Variants in IRAG1 observed in about 807,000 individuals in gnomAD.
IRAG1 encodes inositol 1,4,5-triphosphate receptor associated 1, also known as IP3R-associated cGMP kinase substrate.
Under a neutral mutation model 106.2 loss-of-function variants are expected in IRAG1, and 62 were observed. The ratio of observed to expected loss-of-function variants is 0.58; its 90% confidence interval spans 0.48 to 0.72. IRAG1 has a LOEUF of 0.72. Ranked by LOEUF, IRAG1 falls within the 30% of genes least tolerant of loss-of-function variation. IRAG1 has a pLI of 0.00. For synonymous variants in IRAG1, 462 were observed against 443.9 expected, an observed-to-expected ratio of 1.04 and a Z score of -0.51; for missense variants, 1,064 against 1,140.7, an observed-to-expected ratio of 0.93 and a Z score of 0.97.
chr11:10,674,818 G>A (rs562004599), intron 1 of IRAG1, among the ~76,000 whole-genome samples: 81 of 152,328 alleles, frequency 5.3e-4, no homozygotes, highest in South Asian at 1.0e-3. Context: ...GGCAAGGGAC[G>A]TTTCTGGATA....
At chr11:10,615,433 T>C (rs1325928322) in intron 10 of IRAG1, among the ~76,000 whole-genome samples, 1 of 152,184 alleles carries the variant, frequency 6.6e-6, no homozygotes, top group Admixed American at 6.5e-5. Context: ...CATTACTGGA[T>C]ATATACCCAA....
At position 10,603,254 on chromosome 11, in the gene IRAG1, G is replaced by T; in HGVS notation, c.1744-3C>A. 2 of 1,613,434 alleles carry T rather than the reference G, an allele frequency of 1.2e-6. No homozygotes were observed. Among genetic ancestry groups the T allele is most frequent in the East Asian group, 2.2e-5 (1 of 44,850 alleles). ...TGGTGCCAGAGTGAAGCTGAGGACT[G>T]AACAGGAGTAGGAGCATCACCTGGG... On this transcript the variant is annotated splice_polypyrimidine_tract_variant and splice_region_variant and intron_variant, in intron 13 of 20. Coordinates refer to ENST00000423302, the MANE Select transcript of IRAG1 (RefSeq NM_130385.4).
At chr11:10,577,084 G>T (rs1850898548) in intron 20 of IRAG1, among the ~76,000 whole-genome samples, 1 of 152,138 alleles carries the variant, frequency 6.6e-6, no homozygotes, top group South Asian at 2.1e-4. Context: ...AGAGTAGAAG[G>T]ACTGTGCTAA....
At chr11:10,690,608 A>G (rs1247388543) in intron 1 of IRAG1, among the ~76,000 whole-genome samples, 2 of 151,860 alleles carry the variant, frequency 1.3e-5, no homozygotes, top group Non-Finnish European at 2.9e-5. Flanking sequence ...TCTATTCGTG[A>G]TTTTCCTGTG....
intron 1 of IRAG1, among the ~76,000 whole-genome samples, chr11:10,684,248 A>G (rs1204241395): frequency 2.6e-5 from 4 of 152,224 alleles, no homozygotes; most frequent in Non-Finnish European, 5.9e-5. Flanking sequence ...AAAATGTGGC[A>G]CATATACACC....
rs750763359 is a variant in IRAG1, at chr11:10,693,625, C to T, written c.-23G>A. ...CATTTAAGGTCAATGTTACATCTGGCTCCGGAGCTCAGAGCCGAGAAGCCT... is the reference window on the plus strand; with the variant it reads ...CATTTAAGGTCAATGTTACATCTGGTTCCGGAGCTCAGAGCCGAGAAGCCT... On this transcript the variant is annotated 5_prime_UTR_variant, in exon 1 of 21. Coordinates refer to ENST00000423302, the MANE Select transcript of IRAG1 (RefSeq NM_130385.4). 6.5e-7 allele frequency: 1 copy of T among 1,534,414 alleles called. No homozygotes were observed. The highest frequency in any genetic ancestry group is 1.2e-5 in the South Asian group (1 of 83,988).
intron 8 of IRAG1, among the ~76,000 whole-genome samples, chr11:10,627,114 T>C (rs1306671684): frequency 6.6e-6 from 1 of 152,140 alleles, no homozygotes; most frequent in East Asian, 1.9e-4. Context: ...TCTGCAGTGT[T>C]AGTTTACTTT....
At position 10,616,782 on chromosome 11, in the gene IRAG1, G is replaced by A. The variant is rs143031286; in HGVS notation, c.1448-6931C>T. On this transcript the variant is annotated intron_variant, in intron 10 of 20. Transcript: ENST00000423302. ...ATTAGTGGGGAAGGAGGTGTTTAGT[G>A]TAAGCTATTTTTACTTTCTTCCTTG... is the stretch of plus-strand genomic sequence containing the variant. 4.7e-4 allele frequency among the ~76,000 whole-genome samples: 71 copies of A among 152,162 alleles called. No homozygotes were observed. The East Asian group carries it at 0.013, about 27-fold the overall frequency.
intron 15 of IRAG1, among the ~76,000 whole-genome samples, chr11:10,600,300 T>A (rs1853845535): frequency 6.6e-6 from 1 of 152,094 alleles, no homozygotes; most frequent in South Asian, 2.1e-4. Flanking sequence ...TACCCATGAG[T>A]CTGCTGTTTT....
intron 10 of IRAG1, among the ~76,000 whole-genome samples, chr11:10,617,605 C>A (rs758254228): frequency 7.2e-5 from 11 of 152,202 alleles, no homozygotes; most frequent in Non-Finnish European, 1.5e-4. Flanking sequence ...AATGCAAAAC[C>A]AGGTTTGTCT....
In IRAG1 at chr11:10,609,713, A is replaced by G; in HGVS notation, c.1571+15T>C. 6.2e-7 allele frequency: 1 copy of G among 1,611,338 alleles called. No individual in the cohort carries two copies. Among genetic ancestry groups the G allele is most frequent in the Non-Finnish European group, 8.5e-7 (1 of 1,179,526 alleles). On this transcript the variant is annotated intron_variant, in intron 11 of 20. Coordinates refer to ENST00000423302, the MANE Select transcript of IRAG1 (RefSeq NM_130385.4). Reference sequence around the variant, plus strand: ...CTCGGTACAGGGCCTTCTGTAACCCACATCCTGATTTTACCTTCCAGGGAG... The same window carrying G: ...CTCGGTACAGGGCCTTCTGTAACCCGCATCCTGATTTTACCTTCCAGGGAG...
In IRAG1 at chr11:10,665,126, ACCTAAC is replaced by A. The variant is rs59268703; in HGVS notation, c.68-12950_68-12945del. 1.3e-5 allele frequency among the ~76,000 whole-genome samples: 2 copies of A among 151,350 alleles called. No homozygotes were observed. The highest frequency in any genetic ancestry group is 2.4e-5 in the African/African-American group (1 of 41,116). On this transcript the variant is annotated intron_variant, in intron 1 of 20. Coordinates refer to ENST00000423302, the MANE Select transcript of IRAG1 (RefSeq NM_130385.4). This position sits in a 1 kb window ranked among gnomAD's most constrained non-coding sequence, Gnocchi z 4.2. The stretch of plus-strand genomic sequence containing the variant: ...CTCTCACCTCTCTACTGTGCTGCTT[ACCTAAC>A]CCTAACCCTAACCCTAACCCTGAGA...
rs1030228284 is a variant in IRAG1, at chr11:10,647,716, C to T, written c.225+4309G>A. On this transcript the variant is annotated intron_variant, in intron 2 of 20. Coordinates refer to ENST00000423302, the MANE Select transcript of IRAG1 (RefSeq NM_130385.4). The surrounding 1 kb of genome is among the most constrained non-coding windows in gnomAD (Gnocchi z 4.3). ...AGCTTCCTACTGTGGCTGCTGGTCA[C>T]AGTCCAGGAACTCATCTAGGCCTAG... Among the ~76,000 whole-genome samples the T allele has an allele frequency of 9.2e-5, 14 of 152,154 alleles. No homozygotes were observed. The highest frequency in any genetic ancestry group is 3.4e-4 in the African/African-American group (14 of 41,426).
chr11:10,602,628 ACAGGATATTTATAGGGTTG>A (rs1191549178), intron 14 of IRAG1, among the ~76,000 whole-genome samples: 1 of 142,450 alleles, frequency 7.0e-6, no homozygotes, highest in African/African-American at 2.8e-5. Flanking sequence ...CATCTGGGAG[ACAGGATATTTATAGGGTTG>A]CTGGGTGGAT....
intron 18 of IRAG1, among the ~76,000 whole-genome samples, chr11:10,582,702 T>C (rs1851519096): frequency 6.6e-6 from 1 of 152,124 alleles, no homozygotes; most frequent in Non-Finnish European, 1.5e-5. Context: ...ATGCTTGTAA[T>C]CCCAGCACTT....
At chr11:10,590,306 T>A (rs1233153088) in intron 18 of IRAG1, among the ~76,000 whole-genome samples, 2 of 152,180 alleles carry the variant, frequency 1.3e-5, no homozygotes, top group Non-Finnish European at 2.9e-5. Context: ...AGAGACCCTC[T>A]ATAACACGAA....
chr11:10,692,700 T>G (rs895740257), intron 1 of IRAG1, among the ~76,000 whole-genome samples: 2 of 152,214 alleles, frequency 1.3e-5, no homozygotes, highest in Non-Finnish European at 2.9e-5. Flanking sequence ...TCTGGGAGGC[T>G]GGAGTGCTGG....
intron 1 of IRAG1, among the ~76,000 whole-genome samples, chr11:10,652,891 G>C (rs2134917997): frequency 6.6e-6 from 1 of 152,242 alleles, no homozygotes; most frequent in East Asian, 1.9e-4. Context: ...ACTAAAACCT[G>C]GGGGCTCAGG....
At position 10,647,239 on chromosome 11, in the gene IRAG1, G is replaced by A. The variant is rs530350329; in HGVS notation, c.225+4786C>T. 6.6e-6 allele frequency among the ~76,000 whole-genome samples: 1 copy of A among 152,318 alleles called. No individual in the cohort carries two copies. The highest frequency in any genetic ancestry group is 2.1e-4 in the South Asian group (1 of 4,826). On this transcript the variant is annotated intron_variant, in intron 2 of 20. Transcript: ENST00000423302. The surrounding 1 kb of genome is among the most constrained non-coding windows in gnomAD (Gnocchi z 4.3). ...TAAGCATGGGCTTTGGGGTCAGGCT[G>A]CCTGGGCCCAGATCCTGGGCCTGCC...
Sources: gnomAD v4.1 joint callset for allele counts (sites outside exome capture counted in the v4.1 genomes callset) on GRCh38, gnomAD v4.1.1 for gene constraint, Gnocchi (gnomAD v3.1) non-coding constraint, MANE v1.5 for transcripts, NCBI Gene and HGNC (gene_info 2026-07-23, HGNC 2026-07-21) for gene names.